ABHD5: variants seen among roughly 807,000 people sequenced by gnomAD.
ABHD5 encodes abhydrolase domain containing 5, lysophosphatidic acid acyltransferase.
In ABHD5, 30 loss-of-function variants were observed where a neutral mutation model predicts 44.9. The observed-to-expected ratio is 0.67, with a 90% CI of 0.50 to 0.91. The LOEUF is 0.91. Ranked by LOEUF, ABHD5 falls within the 40% of genes least tolerant of loss-of-function variation. The pLI is 0.00. For synonymous variants in ABHD5, 167 were observed against 147.0 expected, an observed-to-expected ratio of 1.14 and a Z score of -0.99; for missense variants, 399 against 423.4, an observed-to-expected ratio of 0.94 and a Z score of 0.50.
chr3:43,694,258 CAAAAAAAAA>C, intron 1 of ABHD5, among the ~76,000 whole-genome samples: 1 of 45,576 alleles, frequency 2.2e-5, no homozygotes, highest in East Asian at 6.0e-4. Flanking sequence ...GACTCCGTCT[CAAAAAAAAA>C]AAAAAAAAAA....
In ABHD5 at chr3:43,718,871, A is replaced by G. The variant is rs1202189419; in HGVS notation, c.*339A>G. 7.2e-6 allele frequency: 2 copies of G among 276,262 alleles called. No homozygotes were observed. The highest frequency in any genetic ancestry group is 1.4e-5 in the Non-Finnish European group (2 of 142,162). 17.1% of individuals were successfully genotyped at this position (276,262 alleles called of 1,614,324 possible). A position where few individuals can be genotyped will look rare whatever the true frequency, so the allele number is the denominator to read the frequency against. On this transcript the variant is annotated 3_prime_UTR_variant, in exon 7 of 7. Transcript: ENST00000644371. Reference sequence around the variant, plus strand: ...ACTTTGCTAGTTATTTTTATATTGCAATCTATATTACCAATTTAGGAAGTG... The same window carrying G: ...ACTTTGCTAGTTATTTTTATATTGCGATCTATATTACCAATTTAGGAAGTG...
intron 3 of ABHD5, among the ~76,000 whole-genome samples, chr3:43,706,289 C>T (rs2084617819): frequency 1.3e-5 from 2 of 152,138 alleles, no homozygotes; most frequent in African/African-American, 4.8e-5. Flanking sequence ...TTTTATTATG[C>T]TGTCATGATA....
At chr3:43,694,258 C>CAA (rs80129256) in intron 1 of ABHD5, among the ~76,000 whole-genome samples, 3,476 of 45,112 alleles carry the variant, frequency 0.077, 129 homozygotes, top group East Asian at 0.14. Flanking sequence ...GACTCCGTCT[C>CAA]AAAAAAAAAA....
intron 3 of ABHD5, among the ~76,000 whole-genome samples, chr3:43,707,930 T>C (rs932181970): frequency 6.6e-6 from 1 of 152,174 alleles, no homozygotes; most frequent in Non-Finnish European, 1.5e-5. Flanking sequence ...ACGCCTGACC[T>C]GATTATTGTT....
At chr3:43,698,395 T>G (rs1441461275) in intron 1 of ABHD5, among the ~76,000 whole-genome samples, 2 of 152,234 alleles carry the variant, frequency 1.3e-5, no homozygotes, top group Admixed American at 1.3e-4. Flanking sequence ...CAGAAAGTTC[T>G]CATTTTAAAT....
intron 3 of ABHD5, among the ~76,000 whole-genome samples, chr3:43,708,478 T>C (rs2084649595): frequency 6.6e-6 from 1 of 152,236 alleles, no homozygotes. Flanking sequence ...GGTGCAACAT[T>C]GCAGTCACCT....
intron 1 of ABHD5, among the ~76,000 whole-genome samples, chr3:43,694,738 T>TTA (rs1227514589): frequency 2.6e-5 from 4 of 152,160 alleles, no homozygotes; most frequent in African/African-American, 9.7e-5. Context: ...GTTAAAACAG[T>TTA]ATTAATTAAT....
intron 4 of ABHD5, among the ~76,000 whole-genome samples, chr3:43,714,138 T>G (rs910541287): frequency 4.7e-5 from 5 of 107,382 alleles, no homozygotes; most frequent in African/African-American, 2.6e-4. Flanking sequence ...TCTTTTTTTC[T>G]TTTTTTTTTT....
intron 2 of ABHD5, among the ~76,000 whole-genome samples, chr3:43,699,961 T>A (rs1330665813): frequency 6.6e-6 from 1 of 152,176 alleles, no homozygotes; most frequent in Non-Finnish European, 1.5e-5. Flanking sequence ...CTGGATCTCC[T>A]CGAAGAGTCT....
rs1559419969 is a variant in ABHD5, at chr3:43,719,478, A to G, written c.*946A>G. On this transcript the variant is annotated 3_prime_UTR_variant, in exon 7 of 7. Coordinates refer to ENST00000644371, the MANE Select transcript of ABHD5 (RefSeq NM_016006.6). The stretch of plus-strand genomic sequence containing the variant: ...GTAGATGGGTGCTAAAATTGCATAC[A>G]TTTTAACCACTAAAATAGAAAAACA... 6.6e-6 allele frequency: 1 copy of G among 152,226 alleles called. No homozygotes were observed. The highest frequency in any genetic ancestry group is 1.5e-5 in the Non-Finnish European group (1 of 68,018). 9.4% of individuals were successfully genotyped at this position (152,226 alleles called of 1,614,324 possible).
At chr3:43,696,627 GA>G (rs138320377) in intron 1 of ABHD5, among the ~76,000 whole-genome samples, 7,218 of 152,246 alleles carry the variant, frequency 0.047, 199 homozygotes, top group Non-Finnish European at 0.058. Context: ...GAACAAACAG[GA>G]ATCAACTAAA....
intron 3 of ABHD5, among the ~76,000 whole-genome samples, chr3:43,704,939 A>G (rs2084596370): frequency 6.6e-6 from 1 of 152,240 alleles, no homozygotes; most frequent in Admixed American, 6.5e-5. Flanking sequence ...TTTGAACTGT[A>G]CAGAGTGTAT....
At chr3:43,699,175 G>A (rs577814791) in intron 1 of ABHD5, 101 bp from the exon 2 acceptor site, 2 of 984,522 alleles carry the variant, frequency 2.0e-6, no homozygotes, top group Non-Finnish European at 3.2e-6. Context: ...CATCACACAG[G>A]TAGTAAATTT....
At chr3:43,728,543 A>G (rs1265117453) in intron 7 of ABHD5, among the ~76,000 whole-genome samples, 2 of 152,208 alleles carry the variant, frequency 1.3e-5, no homozygotes, top group African/African-American at 2.4e-5. Context: ...TAAAGGAGGA[A>G]TTTGGAAATA....
downstream of ABHD5, among the ~76,000 whole-genome samples, chr3:43,727,248 C>T (rs1040862396): frequency 1.3e-5 from 2 of 152,166 alleles, no homozygotes; most frequent in African/African-American, 4.8e-5. Flanking sequence ...AACTCCCTTC[C>T]TGAGTCTCTT....
At chr3:43,705,939 T>A (rs1353152777) in intron 3 of ABHD5, among the ~76,000 whole-genome samples, 1 of 152,210 alleles carries the variant, frequency 6.6e-6, no homozygotes, top group East Asian at 1.9e-4. Flanking sequence ...TTTACATAGA[T>A]GATCTGATAG....
intron 7 of ABHD5, among the ~76,000 whole-genome samples, chr3:43,731,452 T>C (rs1261227813): frequency 1.3e-5 from 2 of 152,214 alleles, no homozygotes; most frequent in African/African-American, 4.8e-5. Context: ...ACAGTGTTCT[T>C]GAACATGCAA....
Position 43,702,408 on chromosome 3 carries a change from A to G in ABHD5, c.327A>G (p.Leu109=), listed in dbSNP as rs754576816. The change falls in exon 3 of 7, where the codon CTA becomes CTG. Residue 109 remains leucine, a synonymous_variant. Coordinates refer to ENST00000644371, the MANE Select transcript of ABHD5 (RefSeq NM_016006.6). ...ACAGACCTGTCTATGCTTTTGACCTATTGGGTTTTGGACGAAGTAGTAGAC... is the reference window on the plus strand; with the variant it reads ...ACAGACCTGTCTATGCTTTTGACCTGTTGGGTTTTGGACGAAGTAGTAGAC... ...CTNRPVYAFD[L]LGFGRSSRPR... 72 of 1,614,212 alleles carry G rather than the reference A, an allele frequency of 4.5e-5. No homozygotes were observed. In the East Asian group the frequency reaches 7.1e-4, roughly 16 times the overall value.
intron 4 of ABHD5, among the ~76,000 whole-genome samples, chr3:43,713,286 A>G (rs1411340157): frequency 4.1e-5 from 6 of 145,960 alleles, no homozygotes; most frequent in Non-Finnish European, 6.0e-5. Flanking sequence ...TCGCACCACT[A>G]TTCTCCAGCC....
Sources: gnomAD v4.1 joint callset for allele counts (sites outside exome capture counted in the v4.1 genomes callset) on GRCh38, gnomAD v4.1.1 for gene constraint, MANE v1.5 for transcripts, NCBI Gene and HGNC (gene_info 2026-07-23, HGNC 2026-07-21) for gene names.